The following MECOM variants were observed in gnomAD, a reference collection of about 807,000 sequenced individuals.
The protein encoded by MECOM is MDS1 and EVI1 complex locus, also known as histone-lysine N-methyltransferase MECOM.
MECOM carries 13 observed loss-of-function variants against 116.3 expected under a neutral mutation model. The ratio of observed to expected loss-of-function variants is 0.11; its 90% CI spans 0.07 to 0.18. MECOM has a LOEUF of 0.18. Among genes scored for constraint, MECOM ranks in the 10% least tolerant of loss-of-function variants. The probability of loss-of-function intolerance (pLI) is 1.00; values close to 1 mark genes in which losing one functional copy is unlikely to be tolerated. For synonymous variants in MECOM, 528 were observed against 535.2 expected (o/e 0.99, Z 0.19); for missense variants, 1,299 against 1,509.0 (o/e 0.86, Z 2.31).
At chr3:169,149,567 G>T in intron 2 of MECOM, 1 of 308,092 alleles carries the variant, frequency 3.2e-6, no homozygotes, top group Non-Finnish European at 6.8e-6. Context: ...CCCGCCAGGC[G>T]CCGGCAACAC....
At chr3:169,323,061 T>C (rs1318733017) in intron 2 of MECOM, among the ~76,000 whole-genome samples, 2 of 143,260 alleles carry the variant, frequency 1.4e-5, no homozygotes, top group African/African-American at 5.2e-5. Context: ...ATGAAACACA[T>C]TTTAGGAAAA....
At chr3:169,119,719 C>T (rs1730364454) in intron 7 of MECOM, among the ~76,000 whole-genome samples, 1 of 151,840 alleles carries the variant, frequency 6.6e-6, no homozygotes, top group South Asian at 2.1e-4. Context: ...CTTCCAAGTA[C>T]ATTTTCAGGG....
intron 2 of MECOM, among the ~76,000 whole-genome samples, chr3:169,310,274 G>C (rs1718508653): frequency 6.6e-6 from 1 of 152,130 alleles, no homozygotes; most frequent in South Asian, 2.1e-4. Flanking sequence ...CCTATTATAT[G>C]TGATTCATGT....
chr3:169,154,641 A>G (rs914101712), intron 2 of MECOM, among the ~76,000 whole-genome samples: 4 of 152,112 alleles, frequency 2.6e-5, no homozygotes, highest in African/African-American at 9.7e-5. Context: ...GTGAGTTCCG[A>G]TTGCCTAACA....
At chr3:169,144,590 G>A (rs1280224591) in intron 2 of MECOM, among the ~76,000 whole-genome samples, 1 of 151,948 alleles carries the variant, frequency 6.6e-6, no homozygotes, top group Non-Finnish European at 1.5e-5. Context: ...TTTACATTTG[G>A]CCCATCTAAA....
At chr3:169,154,513 T>C (rs551572727) in intron 2 of MECOM, among the ~76,000 whole-genome samples, 1 of 152,318 alleles carries the variant, frequency 6.6e-6, no homozygotes, top group East Asian at 1.9e-4. Flanking sequence ...TCTGAATTAT[T>C]GCAATGATCT....
intron 1 of MECOM, among the ~76,000 whole-genome samples, chr3:169,638,977 A>G (rs1773143424): frequency 7.0e-6 from 1 of 142,426 alleles, no homozygotes; most frequent in African/African-American, 2.6e-5. Context: ...AAGTAGATGT[A>G]TCTTCTCCAA....
At chr3:169,134,037 A>G (rs1450579492) in intron 3 of MECOM, 2 of 946,388 alleles carry the variant, frequency 2.1e-6, no homozygotes, top group Non-Finnish European at 1.5e-6. Flanking sequence ...TTAAAGAGAC[A>G]ATACCCTACA....
chr3:169,352,070 C>G (rs572571079), intron 2 of MECOM, among the ~76,000 whole-genome samples: 1 of 151,798 alleles, frequency 6.6e-6, no homozygotes, highest in Non-Finnish European at 1.5e-5. Flanking sequence ...AACTACAGAA[C>G]TAAGTAAAAG....
chr3:169,111,156 A>T (rs796779601), intron 9 of MECOM, among the ~76,000 whole-genome samples: 24 of 152,202 alleles, frequency 1.6e-4, no homozygotes, highest in African/African-American at 5.3e-4. Context: ...CGACTCTCTC[A>T]TTTTTCAAAC....
intron 2 of MECOM, among the ~76,000 whole-genome samples, chr3:169,144,184 C>T (rs1458025956): frequency 6.6e-6 from 1 of 152,078 alleles, no homozygotes; most frequent in Non-Finnish European, 1.5e-5. Context: ...ACATTACAGT[C>T]AATATTTCAT....
chr3:169,191,770 G>GAAAGAAAGAAAGAA (rs1559973992), intron 2 of MECOM, among the ~76,000 whole-genome samples: 19 of 136,520 alleles, frequency 1.4e-4, no homozygotes, highest in African/African-American at 4.9e-4. Context: ...AAGAAAGAAA[G>GAAAGAAAGAAAGAA]AAAGAAAGAA....
chr3:169,568,725 G>T (rs1199791804), intron 1 of MECOM, among the ~76,000 whole-genome samples: 3 of 152,072 alleles, frequency 2.0e-5, no homozygotes, highest in African/African-American at 7.2e-5. Flanking sequence ...CCAGTCAGGG[G>T]TTTATAGTTC....
At position 169,379,831 on chromosome 3, in the gene MECOM, C is replaced by T. The variant is rs537494764; in HGVS notation, c.375+1356G>A. On this transcript the variant is annotated intron_variant, in intron 2 of 16. Coordinates refer to ENST00000651503, the MANE Select transcript of MECOM (RefSeq NM_004991.4). ...AGGTGAACAATAATGACGTAAAGTTCGTACGCATTTGGTTTAAAACGTATT... is the reference window on the plus strand; with the variant it reads ...AGGTGAACAATAATGACGTAAAGTTTGTACGCATTTGGTTTAAAACGTATT... Among the ~76,000 whole-genome samples the T allele has an allele frequency of 1.1e-4, 17 of 152,208 alleles. No individual in the cohort carries two copies. The East Asian group carries it at 2.5e-3, about 22-fold the overall frequency.
chr3:169,411,228 A>G (rs1302945233), intron 1 of MECOM, among the ~76,000 whole-genome samples: 1 of 149,090 alleles, frequency 6.7e-6, no homozygotes, highest in East Asian at 2.1e-4. Context: ...CACTATTGCC[A>G]GAAAAAAAAA....
chr3:169,127,564 T>C (rs976489015), intron 5 of MECOM, among the ~76,000 whole-genome samples: 5 of 152,282 alleles, frequency 3.3e-5, no homozygotes, highest in African/African-American at 1.2e-4. Flanking sequence ...TTTCTCTAAA[T>C]CACAATTTAC....
At position 169,149,617 on chromosome 3, in the gene MECOM, CGA is replaced by C. The variant is rs780267271; in HGVS notation, c.376-5787_376-5786del. 8.7e-6 allele frequency: 4 copies of C among 459,306 alleles called. No individual in the cohort carries two copies. In the East Asian group the frequency reaches 2.6e-4, roughly 30 times the overall value. 28.5% of individuals were successfully genotyped at this position (459,306 alleles called of 1,614,324 possible). On this transcript the variant is annotated intron_variant, in intron 2 of 16. Coordinates refer to ENST00000651503, the MANE Select transcript of MECOM (RefSeq NM_004991.4). The stretch of plus-strand genomic sequence containing the variant: ...CCTCGCCCGCCGTTCCGCGTCCTTC[CGA>C]GCTACGAGAGGAAGGCACACTGCAG...
chr3:169,639,737 C>G (rs1461556263), intron 1 of MECOM, among the ~76,000 whole-genome samples: 5 of 152,152 alleles, frequency 3.3e-5, no homozygotes, highest in Non-Finnish European at 7.4e-5. Context: ...TCACAGTTCA[C>G]AAAACCCCAA....
In MECOM at chr3:169,116,042, C is replaced by T; in HGVS notation, c.1830G>A (p.Glu610=). 6 of 1,614,080 alleles carry T rather than the reference C, an allele frequency of 3.7e-6. No homozygotes were observed. In the African/African-American group the frequency reaches 4.0e-5, roughly 11 times the overall value. Residue 610 remains glutamate, a synonymous_variant, in exon 8 of 17, where the codon GAG becomes GAA. Coordinates refer to ENST00000651503, the MANE Select transcript of MECOM (RefSeq NM_004991.4). ...ACATTTTACCATTTTCTTTAAATTT[C>T]TCTTTATCACTTTCAATGTCACTTT... ...DLESDIESDK[E]KFKENGKMFK...
Sources: allele counts gnomAD v4.1 joint callset (sites outside exome capture counted in the v4.1 genomes callset), GRCh38; gene constraint gnomAD v4.1.1; transcripts MANE v1.5; gene names NCBI Gene and HGNC (gene_info 2026-07-23, HGNC 2026-07-21).